Variants in GDF5 observed in about 807,000 individuals in gnomAD.
The protein encoded by GDF5 is growth/differentiation factor 5.
GDF5 carries 17 observed loss-of-function variants against 34.6 expected under a neutral mutation model. The ratio of observed to expected loss-of-function variants is 0.49; its 90% CI spans 0.34 to 0.74. The LOEUF (loss-of-function observed/expected upper bound fraction) is 0.74, where lower values mean the gene tolerates loss of function less well. Among genes scored for constraint, GDF5 ranks in the 30% least tolerant of loss-of-function variants. The pLI is 0.01. For missense variants in GDF5, 616 were observed against 661.2 expected, an observed-to-expected ratio of 0.93 and a Z score of 0.75; for synonymous variants, 332 against 290.7, an observed-to-expected ratio of 1.14 and a Z score of -1.44.
Position 35,451,054 on chromosome 20 carries a change from A to ATATATATAT in GDF5, c.-398+3585_-398+3586insATATATATA, listed in dbSNP as rs2062530183. ...TTTTAGACTAACAGAAAAAAAAAAA[A>ATATATATAT]AAAAAAAAAAATATATATATATATA... On this transcript the variant is annotated intron_variant, in intron 1 of 3. Transcript: ENST00000374372. Among the ~76,000 whole-genome samples the ATATATATAT allele has an allele frequency of 8.9e-3, 437 of 49,000 alleles. 48 individuals carry two copies. The highest frequency in any genetic ancestry group is 0.011 in the Non-Finnish European group (308 of 27,848). The allele number at this position is 49,000 out of a possible 152,430, so 32.1% of individuals were successfully genotyped here.
Position 35,437,359 on chromosome 20 carries a change from G to A in GDF5, c.570C>T (p.Ser190=). Residue 190 remains serine, a synonymous_variant, in exon 1 of 2, where the codon AGC becomes AGT. Transcript: ENST00000374369. ...CCAGGCCAGCCTCCAACTTCACGCT[G>A]CTGTTGCCTCCCTTTCTGTCAGCAT... ...LSDADRKGGN[S]SVKLEAGLAN... is the part of the protein sequence containing the mutation. 1 of 1,613,080 alleles carries A rather than the reference G, an allele frequency of 6.2e-7. No homozygotes were observed.
chr20:35,437,764 C>T lies in GDF5; in HGVS notation c.165G>A (p.Arg55=). The T allele has an allele frequency of 6.2e-7, 1 of 1,612,430 alleles. No individual in the cohort carries two copies. The highest frequency in any genetic ancestry group is 1.1e-5 in the South Asian group (1 of 90,912). ...TGTGACCCCCTGGCCTGAAGACGTT[C>T]CGGGCCAGGGGGGGCCTCTCCTTGG... ...AEAKERPPLA[R]NVFRPGGHSY... Residue 55 remains arginine (R), a synonymous_variant, in exon 1 of 2, where the codon CGG becomes CGA. Coordinates refer to ENST00000374369, the MANE Select transcript of GDF5 (RefSeq NM_000557.5).
rs764573873 is a variant in GDF5, at chr20:35,433,933, G to A, written c.1482C>T (p.Val494=). 3 of 1,613,912 alleles carry A rather than the reference G, an allele frequency of 1.9e-6. No homozygotes were observed. Among genetic ancestry groups the A allele is most frequent in the Non-Finnish European group, 2.5e-6 (3 of 1,179,884 alleles). Residue 494 remains valine (V), a synonymous_variant, in exon 2 of 2, where the codon GTC becomes GTT. Transcript: ENST00000374369. ...GCTACCTGCAGCCACACGACTCCAC[G>A]ACCATGTCCTCATACTGCTTATACA... is the stretch of plus-strand genomic sequence containing the variant. ...NVVYKQYEDM[V]VESCGCR
At chr20:35,440,865 C>T (rs943356452), upstream of GDF5, among the ~76,000 whole-genome samples, 1 of 152,224 alleles carries the variant, frequency 6.6e-6, no homozygotes, top group African/African-American at 2.4e-5. Context: ...GCCCAGCCCA[C>T]AGCAGCTCTC....
upstream of GDF5, among the ~76,000 whole-genome samples, chr20:35,438,623 C>A (rs1372151994): frequency 6.6e-6 from 1 of 152,204 alleles, no homozygotes; most frequent in Non-Finnish European, 1.5e-5. Flanking sequence ...GGGGCCTCCC[C>A]CTCCACAGGG....
intron 1 of GDF5, among the ~76,000 whole-genome samples, chr20:35,445,862 G>A (rs1215873353): frequency 3.3e-5 from 5 of 151,642 alleles, no homozygotes; most frequent in South Asian, 2.1e-4. Context: ...CCCACTATTC[G>A]GGAGGCTGAG....
chr20:35,452,106 T>C (rs2062535707), intron 1 of GDF5, among the ~76,000 whole-genome samples: 1 of 152,190 alleles, frequency 6.6e-6, no homozygotes, highest in Non-Finnish European at 1.5e-5. Flanking sequence ...GAGAATCTAA[T>C]GCCTGATGAT....
chr20:35,453,145 G>A (rs1450324942), intron 1 of GDF5, among the ~76,000 whole-genome samples: 8 of 152,224 alleles, frequency 5.3e-5, no homozygotes, highest in Admixed American at 5.2e-4. Context: ...AGCTATTGGG[G>A]AGGCTGAGGC....
intron 1 of GDF5, among the ~76,000 whole-genome samples, chr20:35,450,275 C>T (rs1404050581): frequency 6.6e-6 from 1 of 150,970 alleles, no homozygotes; most frequent in Admixed American, 6.6e-5. Flanking sequence ...CACTGCACTC[C>T]AGCCTGGGCT....
intron 1 of GDF5, among the ~76,000 whole-genome samples, chr20:35,444,593 C>T (rs2062508274): frequency 6.6e-6 from 1 of 151,898 alleles, no homozygotes; most frequent in South Asian, 2.1e-4. Flanking sequence ...ATTTTCTTTT[C>T]TTTTTCTTTT....
chr20:35,439,329 G>A (rs190451622), upstream of GDF5, among the ~76,000 whole-genome samples: 277 of 148,130 alleles, frequency 1.9e-3, 1 homozygote, highest in African/African-American at 6.4e-3. Context: ...CCAGGTTCAC[G>A]CCATTCCCCT....
upstream of GDF5, among the ~76,000 whole-genome samples, chr20:35,440,682 G>A (rs2062494884): frequency 6.6e-6 from 1 of 152,082 alleles, no homozygotes; most frequent in East Asian, 1.9e-4. Context: ...CTCTGCCTCT[G>A]CCCCCTATCC....
chr20:35,434,211 G>A lies in GDF5; in HGVS notation c.1204C>T (p.Arg402Trp), dbSNP rs1216891950. The A allele has an allele frequency of 1.2e-6, 2 of 1,614,164 alleles. No homozygotes were observed. The highest frequency in any genetic ancestry group is 2.2e-5 in the East Asian group (1 of 44,890). ...TTGAAGTTGACATGCAGTGCCTTCC[G>A]ACTGCAGCGAGCCTTAAGGTTCTTG... ...PSKNLKARCS[R>W]KALHVNFKDM... The change falls in exon 2 of 2, where the codon CGG becomes TGG. Residue 402 changes from arginine to tryptophan, a missense_variant. Transcript: ENST00000374369.
At chr20:35,450,946 G>T (rs1396817730) in intron 1 of GDF5, among the ~76,000 whole-genome samples, 1 of 150,972 alleles carries the variant, frequency 6.6e-6, no homozygotes, top group African/African-American at 2.4e-5. Flanking sequence ...CTCATAGCCA[G>T]AAATATCTCC....
chr20:35,441,230 A>T (rs371559084), upstream of GDF5: 12 of 152,106 alleles, frequency 7.9e-5, no homozygotes, highest in African/African-American at 2.9e-4. Flanking sequence ...GATAGTGCTT[A>T]CCTCACAGGA....
chr20:35,441,615 C>T (rs1044522539), upstream of GDF5, among the ~76,000 whole-genome samples: 3 of 150,998 alleles, frequency 2.0e-5, no homozygotes, highest in African/African-American at 4.9e-5. Flanking sequence ...CCACCACGCC[C>T]GGCTAATTTT....
Position 35,434,210 on chromosome 20 carries a change from C to T in GDF5, c.1205G>A (p.Arg402Gln). 1.9e-6 allele frequency: 3 copies of T among 1,614,208 alleles called. No homozygotes were observed. Among genetic ancestry groups the T allele is most frequent in the South Asian group, 2.2e-5 (2 of 91,078 alleles). Reference protein sequence around the residue: ...PSKNLKARCSRKALHVNFKDM... With the variant: ...PSKNLKARCSQKALHVNFKDM... ...CTTGAAGTTGACATGCAGTGCCTTC[C>T]GACTGCAGCGAGCCTTAAGGTTCTT... is the stretch of plus-strand genomic sequence containing the variant. Residue 402 changes from arginine (R) to glutamine (Q), a missense_variant, in exon 2 of 2, where the codon CGG (arginine) becomes CAG (glutamine). Physicochemically the swap from Arg to Gln is conservative, Grantham distance 43. Coordinates refer to ENST00000374369, the MANE Select transcript of GDF5 (RefSeq NM_000557.5).
intron 1 of GDF5, among the ~76,000 whole-genome samples, chr20:35,448,438 GC>G (rs1195469282): frequency 2.3e-4 from 29 of 128,340 alleles, no homozygotes; most frequent in African/African-American, 6.8e-4. Context: ...ATAGTTAAGG[GC>G]CCCCCCGACT....
intron 1 of GDF5, among the ~76,000 whole-genome samples, chr20:35,444,732 T>C (rs1175454889): frequency 6.6e-6 from 1 of 152,184 alleles, no homozygotes; most frequent in Admixed American, 6.5e-5. Context: ...GTAGCTGGGA[T>C]TACAGGTGCC....
Sources: gnomAD v4.1 joint callset for allele counts (sites outside exome capture counted in the v4.1 genomes callset) on GRCh38, gnomAD v4.1.1 for gene constraint, MANE v1.5 for transcripts, NCBI Gene and HGNC (gene_info 2026-07-23, HGNC 2026-07-21) for gene names.